The following CR2 variants were observed in gnomAD, a reference collection of about 807,000 sequenced individuals.
CR2 encodes complement C3d receptor 2.
A neutral mutation model predicts 123.0 loss-of-function variants in CR2; 96 were observed. That is an observed-to-expected ratio of 0.78 (90% CI 0.66 to 0.93). The LOEUF is 0.93. Among genes scored for constraint, CR2 ranks in the 40% least tolerant of loss-of-function variants. CR2 has a pLI of 0.00. For missense variants in CR2, 1,258 were observed against 1,361.0 expected, an observed-to-expected ratio of 0.92 and a Z score of 1.19; for synonymous variants, 484 against 469.5, an observed-to-expected ratio of 1.03 and a Z score of -0.40.
rs1658837606 is a variant in CR2 at position 207,489,721 on chromosome 1, A to C, written c.*598A>C. On this transcript the variant is annotated 3_prime_UTR_variant, in exon 20 of 20. Transcript: ENST00000367057. The stretch of plus-strand genomic sequence containing the variant: ...TAATCACTCAGTGATTGCAATTTGC[A>C]CAAGTTTTTTTAAATTATGGGAATC... 1 of 152,162 alleles carries C rather than the reference A, an allele frequency of 6.6e-6. No individual in the cohort carries two copies. The highest frequency in any genetic ancestry group is 1.5e-5 in the Non-Finnish European group (1 of 68,028). The allele number at this position is 152,162 out of a possible 1,614,324, so 9.4% of individuals were successfully genotyped here.
Position 207,471,516 on chromosome 1 carries a change from A to C in CR2, c.1570+17A>C. 6.5e-7 allele frequency: 1 copy of C among 1,544,174 alleles called. No individual in the cohort carries two copies. Among genetic ancestry groups the C allele is most frequent in the African/African-American group, 1.4e-5 (1 of 73,438 alleles). Reference sequence around the variant, plus strand: ...TTTGTAAAGGTGAGTAGCAAAAATGATATAGGAGCTGAAATAATGTGAGAT... The same window carrying C: ...TTTGTAAAGGTGAGTAGCAAAAATGCTATAGGAGCTGAAATAATGTGAGAT... On this transcript the variant is annotated intron_variant, in intron 9 of 19. Coordinates refer to ENST00000367057, the MANE Select transcript of CR2 (RefSeq NM_001006658.3).
chr1:207,475,277 G>T, intron 14 of CR2, 61 bp downstream of exon 14: 1 of 1,569,652 alleles, frequency 6.4e-7, no homozygotes. Flanking sequence ...AAGAGGTTTT[G>T]AATCTGCACT....
chr1:207,475,233 G>C lies in CR2; in HGVS notation c.2716+17G>C, dbSNP rs1449954370. On this transcript the variant is annotated intron_variant, in intron 14 of 19. Coordinates refer to ENST00000367057, the MANE Select transcript of CR2 (RefSeq NM_001006658.3). ...TCAAAAAAGGTAAGATACTTGGAAG[G>C]GATAAGTTATGGGATGTTGTACAGA... The C allele has an allele frequency of 6.2e-7, 1 of 1,613,590 alleles. No individual in the cohort carries two copies. Among genetic ancestry groups the C allele is most frequent in the Admixed American group, 1.7e-5 (1 of 59,956 alleles).
intron 13 of CR2, 113 bp from the exon 14 acceptor site, chr1:207,474,711 T>A (rs1028085314): frequency 8.3e-7 from 1 of 1,197,966 alleles, no homozygotes; most frequent in Non-Finnish European, 1.2e-6. Context: ...AAATTTAAGT[T>A]ATTTTCTAGT....
At chr1:207,471,646 C>T (rs1658285222) in intron 9 of CR2, 147 bp downstream of exon 9, 2 of 689,618 alleles carry the variant, frequency 2.9e-6, no homozygotes, top group Admixed American at 2.1e-5. Context: ...CACAGTTTTA[C>T]CATGTCTTTC....
At chr1:207,458,071 C>CACACACACACACACAT (rs1479583934) in intron 1 of CR2, among the ~76,000 whole-genome samples, 119 of 149,360 alleles carry the variant, frequency 8.0e-4, no homozygotes, top group African/African-American at 2.7e-3. Context: ...CACACACACA[C>CACACACACACACACAT]ACACACACAC....
rs1025762883 is a variant in CR2 at position 207,476,162 on chromosome 1, A to G, written c.2717-72A>G. 1.0e-5 allele frequency: 15 copies of G among 1,452,510 alleles called. No individual in the cohort carries two copies. In the African/African-American group the frequency reaches 1.3e-4, roughly 12 times the overall value. 90.0% of individuals were successfully genotyped at this position (1,452,510 alleles called of 1,614,324 possible). A position where few individuals can be genotyped will look rare whatever the true frequency, so the allele number is the denominator to read the frequency against. On this transcript the variant is annotated intron_variant, in intron 14 of 19. Coordinates refer to ENST00000367057, the MANE Select transcript of CR2 (RefSeq NM_001006658.3). The stretch of plus-strand genomic sequence containing the variant: ...TTGCTTCTGGCCTTCCTGTATCGCT[A>G]TCACCCAGAGATAGTGCAGGCTATG...
At position 207,454,369 on chromosome 1, in the gene CR2, A is replaced by G. The variant is rs761620536; in HGVS notation, c.-50A>G. 1.3e-6 allele frequency: 2 copies of G among 1,513,332 alleles called. No homozygotes were observed. The highest frequency in any genetic ancestry group is 1.8e-6 in the Non-Finnish European group (2 of 1,121,842). 93.7% of individuals were successfully genotyped at this position (1,513,332 alleles called of 1,614,324 possible). The stretch of plus-strand genomic sequence containing the variant: ...AGCCTTGCCCTCCCAGAGCTGCCGG[A>G]CGCTCGCGGGTCTCGGAACGCATCC... On this transcript the variant is annotated 5_prime_UTR_variant, in exon 1 of 20. Coordinates refer to ENST00000367057, the MANE Select transcript of CR2 (RefSeq NM_001006658.3). The surrounding 1 kb of genome is among the most constrained non-coding windows in gnomAD (Gnocchi z 4.3).
rs1400554150 is a variant in CR2, at chr1:207,454,720, CG to C, written c.58+246del. ...GCGCCACAGAGGGGCGCTGTCTGGT[CG>C]GCCCGGTGTGGCTGGCGGCGTGCGG... On this transcript the variant is annotated intron_variant, in intron 1 of 19. Transcript: ENST00000367057. The surrounding 1 kb of genome is among the most constrained non-coding windows in gnomAD (Gnocchi z 4.3). 4.4e-6 allele frequency: 2 copies of C among 451,492 alleles called. No homozygotes were observed. Among genetic ancestry groups the C allele is most frequent in the East Asian group, 7.5e-5 (2 of 26,738 alleles). 28.0% of individuals were successfully genotyped at this position (451,492 alleles called of 1,614,324 possible). A position where few individuals can be genotyped will look rare whatever the true frequency, so the allele number is the denominator to read the frequency against.
chr1:207,455,185 T>C (rs1277269143), intron 1 of CR2, among the ~76,000 whole-genome samples: 1 of 152,274 alleles, frequency 6.6e-6, no homozygotes, highest in African/African-American at 2.4e-5. Context: ...AGAAAGATTA[T>C]AATTAAGATT....
intron 19 of CR2, among the ~76,000 whole-genome samples, chr1:207,487,534 G>C (rs1343826373): frequency 6.6e-6 from 1 of 152,150 alleles, no homozygotes; most frequent in Non-Finnish European, 1.5e-5. Context: ...TGAAAGGAGA[G>C]AAATTGCAGC....
At chr1:207,481,689 C>T (rs1009658434) in intron 18 of CR2, among the ~76,000 whole-genome samples, 1 of 152,016 alleles carries the variant, frequency 6.6e-6, no homozygotes, top group Admixed American at 6.5e-5. Context: ...ACTAATTATT[C>T]AGATGTTTTG....
chr1:207,487,573 T>C (rs57881438), intron 19 of CR2, among the ~76,000 whole-genome samples: 2,022 of 152,252 alleles, frequency 0.013, 53 homozygotes, highest in African/African-American at 0.046. Flanking sequence ...CTTTCTAGGT[T>C]TTTTTCTATA....
chr1:207,488,216 G>A (rs923230144), intron 19 of CR2, among the ~76,000 whole-genome samples: 1 of 152,184 alleles, frequency 6.6e-6, no homozygotes, highest in African/African-American at 2.4e-5. Flanking sequence ...ATAATATCAA[G>A]ATGAAGAAAT....
intron 19 of CR2, among the ~76,000 whole-genome samples, chr1:207,487,693 G>C (rs1320884240): frequency 6.6e-6 from 1 of 152,198 alleles, no homozygotes; most frequent in Non-Finnish European, 1.5e-5. Context: ...ATGATGATGG[G>C]AATAATTTAG....
At chr1:207,473,948 C>A in intron 12 of CR2, 63 bp downstream of exon 12, 5 of 1,475,148 alleles carry the variant, frequency 3.4e-6, no homozygotes, top group Non-Finnish European at 4.7e-6. Context: ...TTAACTTGAC[C>A]TTCAACTTGT....
rs1658263070 is a variant in CR2 at position 207,471,053 on chromosome 1, G to A, written c.1459G>A (p.Val487Ile). The change falls in exon 8 of 20, where the codon GTT becomes ATT. Residue 487 changes from valine (V) to isoleucine (I), a missense_variant. By Grantham distance (29) the Val-to-Ile change is conservative. Transcript: ENST00000367057. ...QLLTKPQHQF[V>I]RPDVNSSCGE... Reference sequence around the variant, plus strand: ...CTTGACAAAACCCCAGCACCAATTTGTTAGACCAGATGTCAACTCTTCTTG... The same window carrying A: ...CTTGACAAAACCCCAGCACCAATTTATTAGACCAGATGTCAACTCTTCTTG... 1 of 1,613,752 alleles carries A rather than the reference G, an allele frequency of 6.2e-7. No homozygotes were observed. The highest frequency in any genetic ancestry group is 1.3e-5 in the African/African-American group (1 of 75,034).
intron 1 of CR2, among the ~76,000 whole-genome samples, chr1:207,461,229 C>T (rs1386236642): frequency 6.6e-6 from 1 of 152,082 alleles, no homozygotes; most frequent in Non-Finnish European, 1.5e-5. Context: ...TCCTTCAAGG[C>T]CCTTGCCACA....
Position 207,454,472 on chromosome 1 carries a change from C to T in CR2, c.54C>T (p.Val18=). 1 of 1,567,038 alleles carries T rather than the reference C, an allele frequency of 6.4e-7. No individual in the cohort carries two copies. Among genetic ancestry groups the T allele is most frequent in the Non-Finnish European group, 8.6e-7 (1 of 1,161,736 alleles). Residue 18 remains valine (V), a synonymous_variant, in exon 1 of 20, where the codon GTC becomes GTT. Transcript: ENST00000367057. This position sits in a 1 kb window ranked among gnomAD's most constrained non-coding sequence, Gnocchi z 4.3. ...GVFLALVAPG[V]LGISCGSPPP... The stretch of plus-strand genomic sequence containing the variant: ...TCTTGGCTCTCGTCGCACCGGGGGT[C>T]CTCGGTGAGCTGGGAGGGGGAGCAC...
Sources: gnomAD v4.1 joint callset for allele counts (sites outside exome capture counted in the v4.1 genomes callset) on GRCh38, gnomAD v4.1.1 for gene constraint, Gnocchi (gnomAD v3.1) non-coding constraint, MANE v1.5 for transcripts, NCBI Gene and HGNC (gene_info 2026-07-23, HGNC 2026-07-21) for gene names.